DIPK1B: variants seen among roughly 807,000 people sequenced by gnomAD.
DIPK1B encodes the protein family with sequence similarity 69 member B.
Under a neutral mutation model 20.7 loss-of-function variants are expected in DIPK1B, and 17 were observed. The ratio of observed to expected loss-of-function variants is 0.82; its 90% CI spans 0.56 to 1.23. The LOEUF is 1.23. Among genes scored for constraint, DIPK1B ranks in the 50% most tolerant of loss-of-function variants. DIPK1B has a pLI of 0.00. For synonymous variants in DIPK1B, 343 were observed against 276.5 expected (o/e 1.24, Z -2.39); for missense variants, 648 against 601.8 (o/e 1.08, Z -0.80).
In DIPK1B at chr9:136,723,532, A is replaced by C; in HGVS notation, c.1054A>C (p.Arg352=). The C allele has an allele frequency of 6.3e-7, 1 of 1,599,506 alleles. No homozygotes were observed. The highest frequency in any genetic ancestry group is 1.7e-4 in the Middle Eastern group (1 of 6,046). ...YGRDCRAPCD[R]LMRQCKGDLI... ...GCGCGACTGCAGGGCCCCGTGTGAC[A>C]GGCTCATGAGGCAGTGCAAGGGCGA... Residue 352 remains arginine (R), a synonymous_variant, in exon 5 of 5, where the codon AGG becomes CGG. Transcript: ENST00000371692.
At position 136,716,196 on chromosome 9, in the gene DIPK1B, C is replaced by A. The variant is rs151188703; in HGVS notation, c.64-1381C>A. ...AGGATAGACGCAGCTGCTCTTCCAT[C>A]CCCCGGCTGTGAACTTAAGGACTGC... On this transcript the variant is annotated intron_variant, in intron 1 of 4. Transcript: ENST00000371692. 2.0e-4 allele frequency among the ~76,000 whole-genome samples: 31 copies of A among 152,132 alleles called. No individual in the cohort carries two copies. In the East Asian group the frequency reaches 6.0e-3, roughly 29 times the overall value.
Position 136,723,428 on chromosome 9 carries a change from A to G in DIPK1B, c.950A>G (p.Gln317Arg). The part of the protein sequence containing the change: ...ATYDFKMADL[Q>R]QVAPEATVRR... ...TACGACTTCAAGATGGCCGACCTGC[A>G]GCAGGTGGCACCCGAGGCCACCGTG... Residue 317 changes from glutamine (Q) to arginine (R), a missense_variant, in exon 5 of 5, where the codon CAG becomes CGG. Coordinates refer to ENST00000371692, the MANE Select transcript of DIPK1B (RefSeq NM_152421.4). 6.2e-7 allele frequency: 1 copy of G among 1,612,274 alleles called. No homozygotes were observed. Among genetic ancestry groups the G allele is most frequent in the Non-Finnish European group, 8.5e-7 (1 of 1,179,422 alleles).
In DIPK1B at chr9:136,723,599, G is replaced by C. The variant is rs374074967; in HGVS notation, c.1121G>C (p.Arg374Pro). The change falls in exon 5 of 5, where the codon CGG (arginine) becomes CCG (proline). Residue 374 changes from arginine to proline, a missense_variant. By Grantham distance (103) the Arg-to-Pro change is moderately radical. Transcript: ENST00000371692. Reference sequence around the variant, plus strand: ...CTGGCCAAGGTGTGCGCACTGCTACGGGGCTACCTGCTGCCTGGCGCGCCC... The same window carrying C: ...CTGGCCAAGGTGTGCGCACTGCTACCGGGCTACCTGCTGCCTGGCGCGCCC... ...PNLAKVCALL[R>P]GYLLPGAPAD... 2.5e-6 allele frequency: 4 copies of C among 1,591,904 alleles called. No homozygotes were observed. Among genetic ancestry groups the C allele is most frequent in the Non-Finnish European group, 3.4e-6 (4 of 1,170,252 alleles).
In DIPK1B at chr9:136,717,571, C is replaced by A; in HGVS notation, c.64-6C>A. ...GCACCTCCTCACGCAGCCCCTTCCC[C>A]CACAGGGCCGGCTCCCAGGCCTCAG... On this transcript the variant is annotated splice_polypyrimidine_tract_variant and splice_region_variant and intron_variant, in intron 1 of 4. Transcript: ENST00000371692. 1 of 1,597,926 alleles carries A rather than the reference C, an allele frequency of 6.3e-7. No homozygotes were observed. Among genetic ancestry groups the A allele is most frequent in the Non-Finnish European group, 8.5e-7 (1 of 1,179,224 alleles).
At chr9:136,715,841 A>G (rs554664275) in intron 1 of DIPK1B, among the ~76,000 whole-genome samples, 23 of 152,218 alleles carry the variant, frequency 1.5e-4, no homozygotes, top group African/African-American at 5.3e-4. Context: ...TAAGATACAC[A>G]TGGCATAAAG....
Position 136,723,552 on chromosome 9 carries a change from G to C in DIPK1B, c.1074G>C (p.Lys358Asn). The change falls in exon 5 of 5, where the codon AAG (lysine) becomes AAC (asparagine). Residue 358 changes from lysine to asparagine, a missense_variant. By Grantham distance (94) the Lys-to-Asn change is moderately conservative. Transcript: ENST00000371692. ...GTGACAGGCTCATGAGGCAGTGCAA[G>C]GGCGACCTCATCCAGCCCAACCTGG... ...APCDRLMRQC[K>N]GDLIQPNLAK... 6.3e-7 allele frequency: 1 copy of C among 1,598,730 alleles called. No homozygotes were observed. Among genetic ancestry groups the C allele is most frequent in the Non-Finnish European group, 8.5e-7 (1 of 1,173,146 alleles).
rs765050500 is a variant in DIPK1B at position 136,723,443 on chromosome 9, A to C, written c.965A>C (p.Glu322Ala). 9.3e-6 allele frequency: 15 copies of C among 1,611,680 alleles called. No individual in the cohort carries two copies. In the African/African-American group the frequency reaches 1.7e-4, roughly 19 times the overall value. The stretch of plus-strand genomic sequence containing the variant: ...GCCGACCTGCAGCAGGTGGCACCCG[A>C]GGCCACCGTGCGCCGCTTCCTGCAG... ...KMADLQQVAP[E>A]ATVRRFLQGR... The change falls in exon 5 of 5, where the codon GAG becomes GCG. Residue 322 changes from glutamate (E) to alanine (A), a missense_variant. Coordinates refer to ENST00000371692, the MANE Select transcript of DIPK1B (RefSeq NM_152421.4).
chr9:136,722,842 C>T, intron 4 of DIPK1B, 120 bp from the exon 5 acceptor site: 3 of 1,024,544 alleles, frequency 2.9e-6, no homozygotes, highest in Non-Finnish European at 4.2e-6. Context: ...GACCCCTAAC[C>T]TGGCAGATGT....
In DIPK1B at chr9:136,723,892, C is replaced by A; in HGVS notation, c.*118C>A. 1 of 1,077,072 alleles carries A rather than the reference C, an allele frequency of 9.3e-7. No homozygotes were observed. Among genetic ancestry groups the A allele is most frequent in the Non-Finnish European group, 1.3e-6 (1 of 763,104 alleles). 66.7% of individuals were successfully genotyped at this position (1,077,072 alleles called of 1,614,324 possible). A position where few individuals can be genotyped will look rare whatever the true frequency, so the allele number is the denominator to read the frequency against. On this transcript the variant is annotated 3_prime_UTR_variant, in exon 5 of 5. Transcript: ENST00000371692. ...TGCAACTGTGTTGCAAAATCACTCC[C>A]CTACCGTCAGGGCTCTGGATTCCAG...
rs757104268 is a variant in DIPK1B at position 136,721,975 on chromosome 9, G to C, written c.253G>C (p.Glu85Gln). 6.2e-7 allele frequency: 1 copy of C among 1,613,770 alleles called. No homozygotes were observed. The highest frequency in any genetic ancestry group is 2.2e-5 in the East Asian group (1 of 44,870). Residue 85 changes from glutamate to glutamine, a missense_variant, in exon 3 of 5, where the codon GAG (glutamate) becomes CAG (glutamine). Glu to Gln is a conservative substitution (Grantham distance 29, BLOSUM62 2). Transcript: ENST00000371692. ...GGGCTCCGTCTGCCAGGACCTGTGT[G>C]AGCTGCATATGGTGGAGTGGAGGAC... ...ISGSVCQDLC[E>Q]LHMVEWRTCL... is the part of the protein sequence containing the mutation.
At chr9:136,722,496 T>G in intron 4 of DIPK1B, 195 bp downstream of exon 4, 7 of 697,324 alleles carry the variant, frequency 1.0e-5, no homozygotes, top group Non-Finnish European at 1.6e-5. Flanking sequence ...GGGGCAAGGG[T>G]TGGGGGCGCC....
Position 136,722,144 on chromosome 9 carries a change from G to A in DIPK1B, c.326G>A (p.Arg109Gln), listed in dbSNP as rs1489406555. 8.1e-6 allele frequency: 13 copies of A among 1,614,016 alleles called. No individual in the cohort carries two copies. Among genetic ancestry groups the A allele is most frequent in the South Asian group, 2.2e-5 (2 of 91,082 alleles). The change falls in exon 4 of 5, where the codon CGG becomes CAG. Residue 109 changes from arginine (R) to glutamine (Q), a missense_variant. Coordinates refer to ENST00000371692, the MANE Select transcript of DIPK1B (RefSeq NM_152421.4). ...PGQQVYSGLW[R>Q]DKDVTIKCGI... ...GTCCAGGTGTACAGCGGGCTCTGGC[G>A]GGACAAGGATGTAACCATCAAGTGT...
In DIPK1B at chr9:136,722,125, G is replaced by A; in HGVS notation, c.307G>A (p.Val103Met). Reference sequence around the variant, plus strand: ...GGAGGACCTCTGTGGCCCTGTCCAGGTGTACAGCGGGCTCTGGCGGGACAA... The same window carrying A: ...GGAGGACCTCTGTGGCCCTGTCCAGATGTACAGCGGGCTCTGGCGGGACAA... Reference protein sequence around the residue: ...TCLSVAPGQQVYSGLWRDKDV... With the variant: ...TCLSVAPGQQMYSGLWRDKDV... The change falls in exon 4 of 5, where the codon GTG becomes ATG. Residue 103 changes from valine (V) to methionine (M), a missense_variant and splice_region_variant. Coordinates refer to ENST00000371692, the MANE Select transcript of DIPK1B (RefSeq NM_152421.4). 6.2e-7 allele frequency: 1 copy of A among 1,613,966 alleles called. No homozygotes were observed.
chr9:136,712,776 G>A lies in DIPK1B; in HGVS notation c.63+48G>A. The A allele has an allele frequency of 7.9e-7, 1 of 1,271,010 alleles. No individual in the cohort carries two copies. Among genetic ancestry groups the A allele is most frequent in the Non-Finnish European group, 1.0e-6 (1 of 1,004,294 alleles). The allele number at this position is 1,271,010 out of a possible 1,614,324, so 78.7% of individuals were successfully genotyped here. A position where few individuals can be genotyped will look rare whatever the true frequency, so the allele number is the denominator to read the frequency against. On this transcript the variant is annotated intron_variant, in intron 1 of 4. Coordinates refer to ENST00000371692, the MANE Select transcript of DIPK1B (RefSeq NM_152421.4). The surrounding 1 kb of genome is among the most constrained non-coding windows in gnomAD (Gnocchi z 5.6). ...GCCCCCGGCCGCCTCTGCCTGGGGA[G>A]GCCGAGCTCCAGCCCCGGAGTGGGC...
In DIPK1B at chr9:136,712,599, G is replaced by T. The variant is rs1024759809; in HGVS notation, c.-67G>T. ...GGCGAGGGAGCGGCGGCCGCTGCGG[G>T]CCGGGCCGGGCCGGGGCTGAGGCCG... On this transcript the variant is annotated 5_prime_UTR_variant, in exon 1 of 5. Transcript: ENST00000371692. The surrounding 1 kb of genome is among the most constrained non-coding windows in gnomAD (Gnocchi z 5.6). 1.6e-4 allele frequency: 118 copies of T among 742,054 alleles called. No individual in the cohort carries two copies. The African/African-American group carries it at 2.0e-3, about 13-fold the overall frequency. 46.0% of individuals were successfully genotyped at this position (742,054 alleles called of 1,614,324 possible).
chr9:136,717,497 T>A, intron 1 of DIPK1B, 80 bp from the exon 2 acceptor site: 1 of 1,516,474 alleles, frequency 6.6e-7, no homozygotes, highest in South Asian at 1.2e-5. Context: ...CGGAGGCCCT[T>A]CCTGTGGGAA....
At position 136,724,227 on chromosome 9, in the gene DIPK1B, C is replaced by G. The variant is rs1846667428; in HGVS notation, c.*453C>G. On this transcript the variant is annotated 3_prime_UTR_variant, in exon 5 of 5. Coordinates refer to ENST00000371692, the MANE Select transcript of DIPK1B (RefSeq NM_152421.4). Reference sequence around the variant, plus strand: ...CTGCCTGCCCTTCAACCCACACACACCTCTGAAGCCGCCAGGGCAGTTCCC... The same window carrying G: ...CTGCCTGCCCTTCAACCCACACACAGCTCTGAAGCCGCCAGGGCAGTTCCC... 6.6e-6 allele frequency among the ~76,000 whole-genome samples: 1 copy of G among 152,182 alleles called. No homozygotes were observed. Among genetic ancestry groups the G allele is most frequent in the Non-Finnish European group, 1.5e-5 (1 of 68,034 alleles).
In DIPK1B at chr9:136,719,627, A is replaced by C. The variant is rs536643483; in HGVS notation, c.198+1916A>C. Among the ~76,000 whole-genome samples, 6 of 152,286 alleles carry C rather than the reference A, an allele frequency of 3.9e-5. No individual in the cohort carries two copies. In the South Asian group the frequency reaches 1.0e-3, roughly 26 times the overall value. On this transcript the variant is annotated intron_variant, in intron 2 of 4. Coordinates refer to ENST00000371692, the MANE Select transcript of DIPK1B (RefSeq NM_152421.4). ...CCGATGTGCGGCAAGGGCCCTGAGG[A>C]GGCCAAGCACACGCCCGCCTCAGCC...
chr9:136,720,461 C>T (rs1020053306), intron 2 of DIPK1B, among the ~76,000 whole-genome samples: 5 of 151,578 alleles, frequency 3.3e-5, no homozygotes, highest in African/African-American at 1.2e-4. Context: ...GCTGTACATC[C>T]AGGAATTCTC....
Sources: allele counts gnomAD v4.1 joint callset (sites outside exome capture counted in the v4.1 genomes callset), GRCh38; gene constraint gnomAD v4.1.1; non-coding constraint Gnocchi (gnomAD v3.1); transcripts MANE v1.5; gene names NCBI Gene and HGNC (gene_info 2026-07-23, HGNC 2026-07-21).